The following TMEM120B variants were observed in gnomAD, a reference collection of about 807,000 sequenced individuals.
The protein encoded by TMEM120B is transmembrane protein 120B.
TMEM120B carries 31 observed loss-of-function variants against 55.5 expected under a neutral mutation model. That is an observed-to-expected ratio of 0.56 (90% CI 0.42 to 0.75). The LOEUF (loss-of-function observed/expected upper bound fraction) is 0.75. TMEM120B is among the 30% of genes least tolerant of loss of function. TMEM120B has a pLI of 0.00. For synonymous variants in TMEM120B, 203 were observed against 176.3 expected (o/e 1.15, Z -1.20); for missense variants, 399 against 425.5 (o/e 0.94, Z 0.55).
intron 1 of TMEM120B, among the ~76,000 whole-genome samples, chr12:121,732,559 G>C (rs1209928462): frequency 6.6e-6 from 1 of 152,112 alleles, no homozygotes; most frequent in Non-Finnish European, 1.5e-5. Context: ...CATTAGAAAA[G>C]TACCTGAAAA....
rs1054088230 is a variant in TMEM120B at position 121,775,350 on chromosome 12, A to C, written c.906+220A>C. On this transcript the variant is annotated intron_variant, in intron 11 of 11. Coordinates refer to ENST00000449592, the MANE Select transcript of TMEM120B (RefSeq NM_001080825.2). The surrounding 1 kb of genome is among the most constrained non-coding windows in gnomAD (Gnocchi z 4.3). ...TGTTGTGGGGGGCCTGCTTGGCGGG[A>C]GGCTTCTGGAAGGGCTAGGGGTGGA... 4.8e-5 allele frequency: 43 copies of C among 891,054 alleles called. No homozygotes were observed. In the African/African-American group the frequency reaches 7.3e-4, roughly 15 times the overall value. The allele number at this position is 891,054 out of a possible 1,614,324, so 55.2% of individuals were successfully genotyped here. A position where few individuals can be genotyped will look rare whatever the true frequency, so the allele number is the denominator to read the frequency against.
At chr12:121,745,741 GT>G (rs1431572160) in intron 2 of TMEM120B, among the ~76,000 whole-genome samples, 4 of 152,048 alleles carry the variant, frequency 2.6e-5, no homozygotes, top group African/African-American at 4.8e-5. Context: ...CTGGAGTGCA[GT>G]GGCGCAATCA....
intron 1 of TMEM120B, among the ~76,000 whole-genome samples, chr12:121,726,546 T>C (rs1223493391): frequency 4.1e-5 from 6 of 147,010 alleles, no homozygotes; most frequent in African/African-American, 1.5e-4. Flanking sequence ...GCTACTGCAC[T>C]CCAGCCTGGG....
intron 1 of TMEM120B, among the ~76,000 whole-genome samples, chr12:121,713,728 C>G (rs1244658652): frequency 6.6e-6 from 1 of 152,130 alleles, no homozygotes; most frequent in Admixed American, 6.6e-5. Context: ...CTAAGAGGTT[C>G]AGAGAGGCCC....
chr12:121,769,540 TA>T (rs532647665), intron 6 of TMEM120B, among the ~76,000 whole-genome samples: 10,826 of 146,166 alleles, frequency 0.074, 529 homozygotes, highest in Non-Finnish European at 0.11. Context: ...ACCCTGTCTC[TA>T]AAAAAAAAAA....
At position 121,743,610 on chromosome 12, in the gene TMEM120B, C is replaced by T. The variant is rs2669169; in HGVS notation, c.70-19C>T. On this transcript the variant is annotated intron_variant, in intron 1 of 11. Transcript: ENST00000449592. Reference sequence around the variant, plus strand: ...TCATATTCTCCCACACACCCTCCCCCGGGTCCCCTGTTCTTCAGGAGACGC... The same window carrying T: ...TCATATTCTCCCACACACCCTCCCCTGGGTCCCCTGTTCTTCAGGAGACGC... 33 of 1,600,256 alleles carry T rather than the reference C, an allele frequency of 2.1e-5. No homozygotes were observed. The highest frequency in any genetic ancestry group is 1.1e-4 in the African/African-American group (8 of 74,602).
At chr12:121,738,198 G>T (rs369399086) in intron 1 of TMEM120B, among the ~76,000 whole-genome samples, 32 of 152,122 alleles carry the variant, frequency 2.1e-4, no homozygotes, top group African/African-American at 7.5e-4. Context: ...GGCAGAGGTT[G>T]CAGTGAGCCG....
chr12:121,736,128 A>G (rs1895105732), intron 1 of TMEM120B, among the ~76,000 whole-genome samples: 1 of 152,030 alleles, frequency 6.6e-6, no homozygotes, highest in Non-Finnish European at 1.5e-5. Flanking sequence ...TAGCTTCAGC[A>G]ACATTTCTGG....
At chr12:121,749,273 C>T (rs1873201505) in intron 3 of TMEM120B, among the ~76,000 whole-genome samples, 1 of 152,194 alleles carries the variant, frequency 6.6e-6, no homozygotes, top group African/African-American at 2.4e-5. Context: ...GAGCAGCAGC[C>T]TAGCATTCGT....
intron 6 of TMEM120B, 50 bp downstream of exon 6, chr12:121,761,788 A>G (rs901781437): frequency 1.1e-5 from 16 of 1,485,952 alleles, no homozygotes; most frequent in Non-Finnish European, 1.4e-5. Flanking sequence ...TTAAAGGGAA[A>G]TGTCACGAGG....
intron 2 of TMEM120B, among the ~76,000 whole-genome samples, chr12:121,746,368 G>T (rs1873083175): frequency 6.6e-6 from 1 of 152,092 alleles, no homozygotes; most frequent in East Asian, 1.9e-4. Flanking sequence ...TGTATTTTTA[G>T]TAGAGACGGG....
chr12:121,746,841 C>T (rs1012391395), intron 2 of TMEM120B, among the ~76,000 whole-genome samples: 3 of 151,874 alleles, frequency 2.0e-5, no homozygotes, highest in Non-Finnish European at 4.4e-5. Context: ...ACCTGTAATC[C>T]CAGCTACTTG....
Position 121,775,595 on chromosome 12 carries a change from C to T in TMEM120B, c.907-14C>T, listed in dbSNP as rs1874213801. 3 of 1,610,358 alleles carry T rather than the reference C, an allele frequency of 1.9e-6. No homozygotes were observed. Among genetic ancestry groups the T allele is most frequent in the Admixed American group, 1.7e-5 (1 of 59,844 alleles). ...AGATGCCCCAGCCTCGCCCTCCTCT[C>T]TGGACTCCCCCAGGTGTTCGTACTG... On this transcript the variant is annotated splice_polypyrimidine_tract_variant and intron_variant, in intron 11 of 11. Transcript: ENST00000449592. This position sits in a 1 kb window ranked among gnomAD's most constrained non-coding sequence, Gnocchi z 4.3.
At chr12:121,771,113 G>T in intron 7 of TMEM120B, 141 bp downstream of exon 7, 3 of 920,364 alleles carry the variant, frequency 3.3e-6, no homozygotes, top group South Asian at 2.9e-5. Flanking sequence ...GCCTGCAGCT[G>T]CGCCGGGCTG....
At chr12:121,740,356 T>C (rs1315237156) in intron 1 of TMEM120B, among the ~76,000 whole-genome samples, 1 of 151,696 alleles carries the variant, frequency 6.6e-6, no homozygotes, top group Non-Finnish European at 1.5e-5. Flanking sequence ...TGGTGGTGCA[T>C]GCCTGTAATC....
intron 4 of TMEM120B, 71 bp downstream of exon 4, chr12:121,750,510 C>A (rs1873244344): frequency 1.9e-5 from 24 of 1,256,986 alleles, no homozygotes; most frequent in Non-Finnish European, 2.5e-5. Context: ...ACACCCCAAA[C>A]CCCACACTGA....
intron 1 of TMEM120B, among the ~76,000 whole-genome samples, chr12:121,721,814 T>TTTTTTC (rs532608284): frequency 0.15 from 19,817 of 134,428 alleles, 1,922 homozygotes; most frequent in Non-Finnish European, 0.17. Context: ...CTTTTTTTTT[T>TTTTTTC]TTTTTTTTTT....
intron 1 of TMEM120B, among the ~76,000 whole-genome samples, chr12:121,719,150 C>T (rs1686534151): frequency 6.6e-6 from 1 of 152,078 alleles, no homozygotes; most frequent in African/African-American, 2.4e-5. Flanking sequence ...ATATCTGCTC[C>T]TGAAGCCTAA....
In TMEM120B at chr12:121,748,300, C is replaced by T. The variant is rs755052106; in HGVS notation, c.189-26C>T. 9 of 1,582,212 alleles carry T rather than the reference C, an allele frequency of 5.7e-6. No individual in the cohort carries two copies. In the South Asian group the frequency reaches 6.6e-5, roughly 12 times the overall value. ...TCCTCCCTCTGAGTGACGCCCCTTC[C>T]CCTGTGCCTGCATCTCTGTCCGCAG... is the stretch of plus-strand genomic sequence containing the variant. On this transcript the variant is annotated intron_variant, in intron 2 of 11. Transcript: ENST00000449592.
Sources: allele counts gnomAD v4.1 joint callset (sites outside exome capture counted in the v4.1 genomes callset), GRCh38; gene constraint gnomAD v4.1.1; non-coding constraint Gnocchi (gnomAD v3.1); transcripts MANE v1.5; gene names NCBI Gene and HGNC (gene_info 2026-07-23, HGNC 2026-07-21).